Variants in GGT1 observed in about 807,000 individuals in gnomAD.
The protein encoded by GGT1 is gamma-glutamyltransferase 1.
In GGT1, 21 loss-of-function variants were observed where a neutral mutation model predicts 56.0. That is an observed-to-expected ratio of 0.38 (90% confidence interval 0.27 to 0.54). The LOEUF (loss-of-function observed/expected upper bound fraction) is 0.54, where lower values mean the gene tolerates loss of function less well. GGT1 is among the 20% of genes least tolerant of loss of function. The probability of loss-of-function intolerance (pLI) is 0.82; values close to 1 mark genes in which losing one functional copy is unlikely to be tolerated. For missense variants in GGT1, 466 were observed against 787.0 expected (o/e 0.59, Z 4.88); for synonymous variants, 238 against 342.6 (o/e 0.69, Z 3.37).
At chr22:24,605,388 T>C (rs1249325430) in intron 1 of GGT1, among the ~76,000 whole-genome samples, 2 of 79,428 alleles carry the variant, frequency 2.5e-5, no homozygotes, top group Non-Finnish European at 4.1e-5. Flanking sequence ...TATTATAATA[T>C]GTATTATATA....
upstream of GGT1, among the ~76,000 whole-genome samples, chr22:24,599,893 G>A (rs2045756365): frequency 6.6e-6 from 1 of 151,930 alleles, no homozygotes; most frequent in Non-Finnish European, 1.5e-5. Context: ...GAAGTCACAG[G>A]GGGCTGTGGG....
chr22:24,585,885 G>T, the GGT1 span: 1 of 1,576,218 alleles, frequency 6.3e-7, no homozygotes, highest in Non-Finnish European at 8.6e-7. Flanking sequence ...TGGGTGGTGG[G>T]TCACCTGGCA....
chr22:24,593,032 G>A (rs1260290466), upstream of GGT1: 8 of 1,051,118 alleles, frequency 7.6e-6, no homozygotes, highest in South Asian at 4.4e-5. Flanking sequence ...GCCCAGCCGC[G>A]CCCCCATGGC....
At chr22:24,587,835 G>A in the GGT1 span, among the ~76,000 whole-genome samples, 14 of 152,220 alleles carry the variant, frequency 9.2e-5, no homozygotes, top group East Asian at 7.7e-4. Flanking sequence ...TGAGAATCGC[G>A]ATCCAGAATC....
At chr22:24,586,383 G>T in the GGT1 span, 1 of 1,613,514 alleles carries the variant, frequency 6.2e-7, no homozygotes, top group Non-Finnish European at 8.5e-7. Flanking sequence ...TCCCCTGCCA[G>T]CAGAGTCTTC....
Position 24,615,543 on chromosome 22 carries a change from C to T in GGT1, c.382+416C>T, listed in dbSNP as rs534570946. ...GGGATGCTGAGGCTCAGACAGGTCA[C>T]GCAAATCAGTTGAGGTCACACAGCT... On this transcript the variant is annotated intron_variant, in intron 7 of 15. Coordinates refer to ENST00000400382, the MANE Select transcript of GGT1 (RefSeq NM_001288833.2). 8.3e-4 allele frequency among the ~76,000 whole-genome samples: 126 copies of T among 152,212 alleles called. 1 individual carries two copies. The highest frequency in any genetic ancestry group is 3.5e-3 in the South Asian group (17 of 4,830).
the GGT1 span, among the ~76,000 whole-genome samples, chr22:24,587,855 C>A: frequency 4.6e-5 from 7 of 152,284 alleles, no homozygotes; most frequent in Non-Finnish European, 1.0e-4. Context: ...CTGCCTCCCC[C>A]GCAACCTGTT....
At chr22:24,588,554 C>A in the GGT1 span, 1 of 778,384 alleles carries the variant, frequency 1.3e-6, no homozygotes. Context: ...CTGGTCCAGT[C>A]CCGCAGTGCC....
chr22:24,586,382 A>G, the GGT1 span: 1 of 1,613,564 alleles, frequency 6.2e-7, no homozygotes, highest in African/African-American at 1.3e-5. Flanking sequence ...CTCCCCTGCC[A>G]GCAGAGTCTT....
the GGT1 span, chr22:24,589,081 C>T: frequency 2.8e-6 from 3 of 1,068,504 alleles, no homozygotes; most frequent in South Asian, 5.0e-5. Context: ...TCCTAGGGGC[C>T]GACTGTGCAG....
chr22:24,616,147 G>C (rs1251286892), intron 7 of GGT1, among the ~76,000 whole-genome samples: 1 of 151,440 alleles, frequency 6.6e-6, no homozygotes. Flanking sequence ...TTTTTCACAG[G>C]CTCACGCCTG....
chr22:24,620,331 G>T lies in GGT1; in HGVS notation c.386G>T (p.Gly129Val). ...FNSSEQSQKG[G>V]LSVAVPGEIR... ...AACTATGGCTCTCTCTCCCCAGGGG[G>T]GCTGTCGGTGGCGGTGCCTGGGGAG... Residue 129 changes from glycine to valine, a missense_variant, in exon 8 of 16, where the codon GGG becomes GTG. Gly to Val is a moderately radical substitution (Grantham distance 109, BLOSUM62 -3). Around this residue, in one of 2 missense-constraint regions of GGT1, gnomAD observed 456 missense variants for 716.7 expected, o/e 0.64. Transcript: ENST00000400382. The surrounding 1 kb of genome is among the most constrained non-coding windows in gnomAD (Gnocchi z 5.6). 1 of 1,611,660 alleles carries T rather than the reference G, an allele frequency of 6.2e-7. No individual in the cohort carries two copies. Among genetic ancestry groups the T allele is most frequent in the Non-Finnish European group, 8.5e-7 (1 of 1,179,736 alleles).
At chr22:24,592,473 AT>A, upstream of GGT1, 1 of 460,372 alleles carries the variant, frequency 2.2e-6, no homozygotes, top group Non-Finnish European at 4.5e-6. Context: ...ATACAAGATG[AT>A]TTGACCTCAC....
the GGT1 span, chr22:24,589,457 G>A: frequency 4.9e-6 from 4 of 816,818 alleles, no homozygotes; most frequent in African/African-American, 7.5e-5. Context: ...TCAGAGGCTA[G>A]GAGTTTGTTT....
At chr22:24,612,550 G>A (rs6004198) in intron 5 of GGT1, among the ~76,000 whole-genome samples, 2 of 146,532 alleles carry the variant, frequency 1.4e-5, no homozygotes, top group South Asian at 2.2e-4. Flanking sequence ...TTTTTGAGAC[G>A]GAGTCTCACG....
chr22:24,619,408 A>G (rs1453648501), intron 7 of GGT1, among the ~76,000 whole-genome samples: 4 of 151,596 alleles, frequency 2.6e-5, no homozygotes, highest in African/African-American at 2.4e-5. Context: ...CAGAAAAAAA[A>G]AAAAAAAAAA....
At chr22:24,619,975 T>G (rs1277723823) in intron 7 of GGT1, among the ~76,000 whole-genome samples, 1 of 148,186 alleles carries the variant, frequency 6.7e-6, no homozygotes, top group Non-Finnish European at 1.5e-5. Context: ...CACTCCTACC[T>G]GCTGAGCCCC....
the GGT1 span, chr22:24,586,461 C>T: frequency 2.6e-6 from 4 of 1,559,304 alleles, no homozygotes; most frequent in Non-Finnish European, 3.5e-6. Flanking sequence ...GGCAGTCCCC[C>T]CACTGACCAC....
the GGT1 span, among the ~76,000 whole-genome samples, chr22:24,584,633 G>A: frequency 1.3e-5 from 2 of 152,088 alleles, no homozygotes; most frequent in Non-Finnish European, 2.9e-5. Flanking sequence ...GCTGGTGGCT[G>A]GGGTGTGTAG....
Sources: allele counts gnomAD v4.1 joint callset (sites outside exome capture counted in the v4.1 genomes callset), GRCh38; gene constraint gnomAD v4.1.1; regional missense constraint gnomAD v4.1.1; non-coding constraint Gnocchi (gnomAD v3.1); transcripts MANE v1.5; gene names NCBI Gene and HGNC (gene_info 2026-07-23, HGNC 2026-07-21).